The following ZBTB44 variants were observed in gnomAD, a reference collection of about 807,000 sequenced individuals.
The protein encoded by ZBTB44 is zinc finger and BTB domain containing 44, also known as zinc finger and BTB domain-containing protein 44.
A neutral mutation model predicts 54.0 loss-of-function variants in ZBTB44; 15 were observed. That is an observed-to-expected ratio of 0.28 (90% CI 0.19 to 0.43). The LOEUF (loss-of-function observed/expected upper bound fraction) is 0.43, where lower values mean the gene tolerates loss of function less well. Among genes scored for constraint, ZBTB44 ranks in the 20% least tolerant of loss-of-function variants. The pLI, the probability that ZBTB44 is intolerant of heterozygous loss-of-function variation, is 1.00. For synonymous variants in ZBTB44, 230 were observed against 250.1 expected, an observed-to-expected ratio of 0.92 and a Z score of 0.76; for missense variants, 487 against 707.1, an observed-to-expected ratio of 0.69 and a Z score of 3.53.
chr11:130,250,090 T>C lies in ZBTB44; in HGVS notation c.1019-10194A>G, dbSNP rs147954295. On this transcript the variant is annotated intron_variant, in intron 2 of 7. Transcript: ENST00000357899. ...ATCAAGCTTGGTCGGGGGAGGGACA[T>C]CCGCCATTACTGAGGCTTGAGTAGT... Among the ~76,000 whole-genome samples, 938 of 152,258 alleles carry C rather than the reference T, an allele frequency of 6.2e-3. 9 individuals are homozygous for C. Among genetic ancestry groups the C allele is most frequent in the African/African-American group, 0.021 (882 of 41,542 alleles).
chr11:130,255,356 A>G (rs1221984551), intron 2 of ZBTB44, among the ~76,000 whole-genome samples: 2 of 152,222 alleles, frequency 1.3e-5, no homozygotes, highest in Non-Finnish European at 2.9e-5. Flanking sequence ...TCTGAAACCA[A>G]TGAGAACAAA....
intron 1 of ZBTB44, among the ~76,000 whole-genome samples, chr11:130,300,664 T>C (rs77698720): frequency 0.048 from 7,347 of 152,236 alleles, 376 homozygotes; most frequent in African/African-American, 0.13. Flanking sequence ...GGAGTGGTGA[T>C]TGACAGTGTC....
Position 130,252,367 on chromosome 11 carries a change from CGA to C in ZBTB44, c.1018+8487_1018+8488del, listed in dbSNP as rs201687069. 6.1e-3 allele frequency among the ~76,000 whole-genome samples: 935 copies of C among 152,236 alleles called. 10 individuals are homozygous for C. Among genetic ancestry groups the C allele is most frequent in the African/African-American group, 0.021 (880 of 41,546 alleles). On this transcript the variant is annotated intron_variant, in intron 2 of 7. Transcript: ENST00000357899. ...CCACTGTCAATATTAGACAGATCAA[CGA>C]GACAGAAAATTAACAAAGATATTCA...
rs146060572 is a variant in ZBTB44, at chr11:130,228,067, A to C, written c.*3697T>G. On this transcript the variant is annotated 3_prime_UTR_variant, in exon 8 of 8. Transcript: ENST00000357899. Reference sequence around the variant, plus strand: ...TGAAAAGATAGTAGAGGCACAAAGAAGCCATATACTATCCTCCAAGTTGGA... The same window carrying C: ...TGAAAAGATAGTAGAGGCACAAAGACGCCATATACTATCCTCCAAGTTGGA... The C allele has an allele frequency of 1.3e-5, 2 of 152,358 alleles. No individual in the cohort carries two copies. The highest frequency in any genetic ancestry group is 3.9e-4 in the East Asian group (2 of 5,184). The allele number at this position is 152,358 out of a possible 1,614,324, so 9.4% of individuals were successfully genotyped here.
Position 130,306,702 on chromosome 11 carries a change from T to C in ZBTB44, c.-57+7673A>G, listed in dbSNP as rs115656830. Among the ~76,000 whole-genome samples the C allele has an allele frequency of 8.8e-3, 1,346 of 152,204 alleles. 18 individuals carry two copies. The highest frequency in any genetic ancestry group is 0.031 in the African/African-American group (1,299 of 41,520). Reference sequence around the variant, plus strand: ...GAGCAGATAAAGAAAACGTGGTATATTTACACCATGAAAACTGAATGAAAT... The same window carrying C: ...GAGCAGATAAAGAAAACGTGGTATACTTACACCATGAAAACTGAATGAAAT... On this transcript the variant is annotated intron_variant, in intron 1 of 7. Coordinates refer to ENST00000357899, the MANE Select transcript of ZBTB44 (RefSeq NM_001301098.2).
chr11:130,305,070 C>T (rs113626097), intron 1 of ZBTB44, among the ~76,000 whole-genome samples: 5,143 of 152,220 alleles, frequency 0.034, 199 homozygotes, highest in African/African-American at 0.091. Context: ...AAGATCTCTA[C>T]AAGGAAGACT....
chr11:130,308,238 A>C (rs1327390026), intron 1 of ZBTB44, among the ~76,000 whole-genome samples: 2 of 152,236 alleles, frequency 1.3e-5, no homozygotes, highest in Non-Finnish European at 2.9e-5. Flanking sequence ...TGATGTTCAT[A>C]CAATGACACA....
In ZBTB44 at chr11:130,228,257, G is replaced by T. The variant is rs1343085414; in HGVS notation, c.*3507C>A. 3.9e-5 allele frequency: 6 copies of T among 152,150 alleles called. No homozygotes were observed. The highest frequency in any genetic ancestry group is 3.9e-4 in the Admixed American group (6 of 15,278). 9.4% of individuals were successfully genotyped at this position (152,150 alleles called of 1,614,324 possible). Reference sequence around the variant, plus strand: ...GTTGCTTTTTTAAAAAATACCTTGAGATATAAGCATTAGAAGTCATCACTT... The same window carrying T: ...GTTGCTTTTTTAAAAAATACCTTGATATATAAGCATTAGAAGTCATCACTT... On this transcript the variant is annotated 3_prime_UTR_variant, in exon 8 of 8. Coordinates refer to ENST00000357899, the MANE Select transcript of ZBTB44 (RefSeq NM_001301098.2).
rs59112840 is a variant in ZBTB44 at position 130,276,242 on chromosome 11, A to AAAAAAAAAGAAAAG, written c.-56-14314_-56-14313insCTTTTCTTTTTTTT. On this transcript the variant is annotated intron_variant, in intron 1 of 7. Coordinates refer to ENST00000357899, the MANE Select transcript of ZBTB44 (RefSeq NM_001301098.2). Reference sequence around the variant, plus strand: ...CGTGAAACTCTGTCTCAAAAAAAAAAAAAAGAAAAAAGAAATCAGAGGTTT... The same window carrying AAAAAAAAAGAAAAG: ...CGTGAAACTCTGTCTCAAAAAAAAAAAAAAAAAAGAAAAGAAAAGAAAAAAGAAATCAGAGGTTT... 1.3e-3 allele frequency among the ~76,000 whole-genome samples: 126 copies of AAAAAAAAAGAAAAG among 94,450 alleles called. 2 individuals carry two copies. The highest frequency in any genetic ancestry group is 2.2e-3 in the Non-Finnish European group (105 of 48,698). 62.0% of individuals were successfully genotyped at this position (94,450 alleles called of 152,430 possible).
In ZBTB44 at chr11:130,238,559, G is replaced by A. The variant is rs1473036439; in HGVS notation, c.1152C>T (p.Thr384=). Residue 384 remains threonine (T), a synonymous_variant, in exon 4 of 8, where the codon ACC becomes ACT. Transcript: ENST00000357899. ...TTGGACTTGGTCGCTCTGTACTGCTGGTGGAAGGAGCAATGTAGAGTTGGT... is the reference window on the plus strand; with the variant it reads ...TTGGACTTGGTCGCTCTGTACTGCTAGTGGAAGGAGCAATGTAGAGTTGGT... ...YPYQLYIAPS[T]SSTERPSPNG... 1 of 1,613,054 alleles carries A rather than the reference G, an allele frequency of 6.2e-7. No homozygotes were observed. Among genetic ancestry groups the A allele is most frequent in the East Asian group, 2.2e-5 (1 of 44,872 alleles).
intron 5 of ZBTB44, 109 bp from the exon 6 acceptor site, chr11:130,234,382 A>G: frequency 1.7e-6 from 2 of 1,167,766 alleles, no homozygotes; most frequent in Non-Finnish European, 2.3e-6. Context: ...TCTTCATTTC[A>G]CTAATTGTTC....
At position 130,239,836 on chromosome 11, in the gene ZBTB44, T is replaced by C; in HGVS notation, c.1079A>G (p.Asn360Ser). ...LPTLQSTSST[N>S]APPDDDDRLE... ...CCGATCATCATCATCCGGAGGAGCA[T>C]TAGTGCTAGACGTGCTTTGAAGTGT... Residue 360 changes from asparagine to serine, a missense_variant, in exon 3 of 8, where the codon AAT becomes AGT. Transcript: ENST00000357899. The C allele has an allele frequency of 1.2e-6, 2 of 1,612,592 alleles. No homozygotes were observed. The highest frequency in any genetic ancestry group is 1.7e-6 in the Non-Finnish European group (2 of 1,179,060).
chr11:130,309,150 A>G (rs913064256), intron 1 of ZBTB44, among the ~76,000 whole-genome samples: 2 of 152,204 alleles, frequency 1.3e-5, no homozygotes, highest in African/African-American at 4.8e-5. Context: ...CATGCCCAGC[A>G]AGCCATTGTC....
chr11:130,277,815 C>T (rs1368082374), intron 1 of ZBTB44, among the ~76,000 whole-genome samples: 3 of 151,914 alleles, frequency 2.0e-5, no homozygotes, highest in African/African-American at 7.3e-5. Flanking sequence ...AACAAATTTT[C>T]GTTTTTATCT....
intron 1 of ZBTB44, among the ~76,000 whole-genome samples, chr11:130,276,724 C>T (rs968097515): frequency 3.9e-5 from 6 of 152,068 alleles, no homozygotes; most frequent in Admixed American, 1.3e-4. Flanking sequence ...CCACTGTGCC[C>T]GGCCTGTTCT....
At chr11:130,275,284 C>T (rs1344961921) in intron 1 of ZBTB44, among the ~76,000 whole-genome samples, 1 of 152,060 alleles carries the variant, frequency 6.6e-6, no homozygotes, top group Non-Finnish European at 1.5e-5. Flanking sequence ...AACTACATAC[C>T]GTGAGTGTTT....
At chr11:130,258,363 T>C (rs1938597316) in intron 2 of ZBTB44, among the ~76,000 whole-genome samples, 1 of 151,950 alleles carries the variant, frequency 6.6e-6, no homozygotes, top group African/African-American at 2.4e-5. Flanking sequence ...TTCTTTCACA[T>C]GGTTTTAAGT....
chr11:130,302,933 C>A (rs1942064800), intron 1 of ZBTB44, among the ~76,000 whole-genome samples: 1 of 152,160 alleles, frequency 6.6e-6, no homozygotes, highest in Non-Finnish European at 1.5e-5. Context: ...CAAGATCACA[C>A]CATTGCGCTC....
intron 1 of ZBTB44, among the ~76,000 whole-genome samples, chr11:130,305,473 C>T (rs897151460): frequency 6.6e-6 from 1 of 152,170 alleles, no homozygotes; most frequent in African/African-American, 2.4e-5. Flanking sequence ...GCCAACTGGT[C>T]TTTGACAAAG....
Sources: gnomAD v4.1 joint callset for allele counts (sites outside exome capture counted in the v4.1 genomes callset) on GRCh38, gnomAD v4.1.1 for gene constraint, MANE v1.5 for transcripts, NCBI Gene and HGNC (gene_info 2026-07-23, HGNC 2026-07-21) for gene names.